The following RNF2 variants were observed in gnomAD, a reference collection of about 807,000 sequenced individuals.
RNF2 encodes E3 ubiquitin-protein ligase RING2.
Under a neutral mutation model 37.2 loss-of-function variants are expected in RNF2, and 6 were observed. The observed-to-expected ratio is 0.16, with a 90% confidence interval of 0.09 to 0.32. RNF2 has a LOEUF of 0.32. Among genes scored for constraint, RNF2 ranks in the 10% least tolerant of loss-of-function variants. RNF2 has a pLI of 1.00. For missense variants in RNF2, 251 were observed against 404.0 expected (o/e 0.62, Z 3.25); for synonymous variants, 133 against 132.7 (o/e 1.00, Z -0.02).
intron 1 of RNF2, among the ~76,000 whole-genome samples, chr1:185,085,800 C>T (rs1291179905): frequency 1.3e-5 from 2 of 152,042 alleles, no homozygotes; most frequent in African/African-American, 4.8e-5. Context: ...ATTACAGACG[C>T]GCACCACCAC....
intron 1 of RNF2, among the ~76,000 whole-genome samples, chr1:185,078,772 T>C (rs2102183026): frequency 6.6e-6 from 1 of 150,808 alleles, no homozygotes; most frequent in Middle Eastern, 3.5e-3. Flanking sequence ...TCGCCAGGCG[T>C]AGTGGCTCAC....
chr1:185,098,265 A>G lies in RNF2; in HGVS notation c.658A>G (p.Met220Val), dbSNP rs1367415875. 1.5e-5 allele frequency: 24 copies of G among 1,613,976 alleles called. No individual in the cohort carries two copies. Among genetic ancestry groups the G allele is most frequent in the South Asian group, 9.9e-5 (9 of 91,092 alleles). Residue 220 changes from methionine to valine, a missense_variant, in exon 5 of 7, where the codon ATG becomes GTG. By Grantham distance (21) the Met-to-Val change is conservative. This residue lies in a region of RNF2 where 94 missense variants were observed against 99.2 expected (regional missense o/e 0.95). Coordinates refer to ENST00000367510, the MANE Select transcript of RNF2 (RefSeq NM_007212.4). ...TGCAGCAATGGCAATTGATCCAGTA[A>G]TGGATGGTGCTAGTGAAATTGAATT... Reference protein sequence around the residue: ...NNAAMAIDPVMDGASEIELVF... With the variant: ...NNAAMAIDPVVDGASEIELVF...
At chr1:185,094,461 C>G (rs771684079) in intron 4 of RNF2, among the ~76,000 whole-genome samples, 1 of 151,248 alleles carries the variant, frequency 6.6e-6, no homozygotes, top group Non-Finnish European at 1.5e-5. Flanking sequence ...TTTTAAATCT[C>G]TTTTACACAT....
Position 185,091,609 on chromosome 1 carries a change from G to A in RNF2, c.118G>A (p.Val40Ile). 6.2e-7 allele frequency: 1 copy of A among 1,613,778 alleles called. No individual in the cohort carries two copies. The highest frequency in any genetic ancestry group is 8.5e-7 in the Non-Finnish European group (1 of 1,179,994). The change falls in exon 3 of 7, where the codon GTT (valine) becomes ATT (isoleucine). Residue 40 changes from valine (V) to isoleucine (I), a missense_variant. Coordinates refer to ENST00000367510, the MANE Select transcript of RNF2 (RefSeq NM_007212.4). ...AATAACAGATGGCTTAGAAATTGTG[G>A]TTTCACCTCGAAGTCTACACAGTGA... ...EAITDGLEIV[V>I]SPRSLHSELM...
At chr1:185,083,963 G>A (rs1354707749) in intron 1 of RNF2, among the ~76,000 whole-genome samples, 2 of 138,480 alleles carry the variant, frequency 1.4e-5, no homozygotes, top group Admixed American at 7.2e-5. Flanking sequence ...AAAATTAGGG[G>A]TGGGATCTCA....
intron 1 of RNF2, among the ~76,000 whole-genome samples, chr1:185,052,931 G>A (rs902041759): frequency 2.6e-5 from 4 of 152,188 alleles, no homozygotes; most frequent in East Asian, 1.9e-4. Flanking sequence ...TATGAGCCAG[G>A]CACTGTTATA....
intron 3 of RNF2, among the ~76,000 whole-genome samples, chr1:185,092,379 G>A (rs1651792601): frequency 6.6e-6 from 1 of 151,940 alleles, no homozygotes; most frequent in African/African-American, 2.4e-5. Context: ...CTTTCACTGT[G>A]TTGGTCAGGC....
intron 5 of RNF2, 38 bp downstream of exon 5, chr1:185,098,382 G>A: frequency 6.3e-7 from 1 of 1,596,710 alleles, no homozygotes; most frequent in South Asian, 1.1e-5. Context: ...TCTAAATTCA[G>A]AATGTTTAAT....
At chr1:185,068,920 C>G (rs1650879898) in intron 1 of RNF2, among the ~76,000 whole-genome samples, 1 of 152,158 alleles carries the variant, frequency 6.6e-6, no homozygotes, top group South Asian at 2.1e-4. Flanking sequence ...ATTAAAGCAG[C>G]TGTTAAACAT....
intron 1 of RNF2, among the ~76,000 whole-genome samples, chr1:185,062,765 T>TA (rs200657857): frequency 0.014 from 1,994 of 142,984 alleles, 62 homozygotes; most frequent in Admixed American, 0.072. Flanking sequence ...CAAGTTAACT[T>TA]AAAAAAAAAA....
intron 1 of RNF2, among the ~76,000 whole-genome samples, chr1:185,081,882 T>C (rs529828644): frequency 6.6e-6 from 1 of 152,314 alleles, no homozygotes; most frequent in South Asian, 2.1e-4. Flanking sequence ...TTCAGAAAAC[T>C]GTAGTGGATC....
chr1:185,082,620 G>A (rs1012115351), intron 1 of RNF2, among the ~76,000 whole-genome samples: 1 of 151,976 alleles, frequency 6.6e-6, no homozygotes, highest in East Asian at 1.9e-4. Flanking sequence ...CTCCCAAAGT[G>A]CTGGGGTTAC....
At chr1:185,062,691 A>T (rs1378001504) in intron 1 of RNF2, among the ~76,000 whole-genome samples, 1 of 152,162 alleles carries the variant, frequency 6.6e-6, no homozygotes, top group Non-Finnish European at 1.5e-5. Context: ...CAAAGCAGCA[A>T]ACTGGGGAAA....
At chr1:185,066,836 GGTA>G (rs953599226) in intron 1 of RNF2, among the ~76,000 whole-genome samples, 7 of 152,130 alleles carry the variant, frequency 4.6e-5, no homozygotes, top group East Asian at 3.9e-4. Flanking sequence ...TGGGGGCAGG[GGTA>G]GTAGTAGTGT....
chr1:185,050,692 A>G (rs147326855), intron 1 of RNF2, among the ~76,000 whole-genome samples: 8 of 152,308 alleles, frequency 5.3e-5, no homozygotes, highest in African/African-American at 7.2e-5. Flanking sequence ...GTGTTACTTG[A>G]TTTTACAGAT....
At chr1:185,073,284 CTTTTTA>C (rs1230373531) in intron 1 of RNF2, among the ~76,000 whole-genome samples, 1 of 151,758 alleles carries the variant, frequency 6.6e-6, no homozygotes, top group African/African-American at 2.4e-5. Context: ...GGGTAAATTT[CTTTTTA>C]TTTTTAATTT....
At chr1:185,076,362 C>T (rs1408222901) in intron 1 of RNF2, among the ~76,000 whole-genome samples, 2 of 131,298 alleles carry the variant, frequency 1.5e-5, no homozygotes, top group African/African-American at 5.6e-5. Context: ...GCGATCTTGG[C>T]TCACTGCAAC....
chr1:185,086,369 A>G (rs947780436), intron 1 of RNF2, among the ~76,000 whole-genome samples: 36 of 152,010 alleles, frequency 2.4e-4, no homozygotes, highest in African/African-American at 8.7e-4. Flanking sequence ...AGTTTTTTTT[A>G]TCTACAACCC....
intron 1 of RNF2, among the ~76,000 whole-genome samples, chr1:185,080,080 C>T (rs1651300745): frequency 1.3e-5 from 2 of 152,138 alleles, no homozygotes; most frequent in African/African-American, 4.8e-5. Flanking sequence ...TGGAAAAAAT[C>T]CTTAAGATCA....
Sources: allele counts gnomAD v4.1 joint callset (sites outside exome capture counted in the v4.1 genomes callset), GRCh38; gene constraint gnomAD v4.1.1; regional missense constraint gnomAD v4.1.1; transcripts MANE v1.5; gene names NCBI Gene and HGNC (gene_info 2026-07-23, HGNC 2026-07-21).